Variants in FAF1 observed in about 807,000 individuals in gnomAD.
FAF1 encodes Fas associated factor 1.
Under a neutral mutation model 92.5 loss-of-function variants are expected in FAF1, and 25 were observed. The ratio of observed to expected loss-of-function variants is 0.27; its 90% confidence interval spans 0.20 to 0.38. The LOEUF (loss-of-function observed/expected upper bound fraction) is 0.38. Among genes scored for constraint, FAF1 ranks in the 10% least tolerant of loss-of-function variants. The probability of loss-of-function intolerance (pLI) is 1.00; values close to 1 mark genes in which losing one functional copy is unlikely to be tolerated. For synonymous variants in FAF1, 234 were observed against 273.2 expected, an observed-to-expected ratio of 0.86 and a Z score of 1.42; for missense variants, 636 against 793.3, an observed-to-expected ratio of 0.80 and a Z score of 2.38.
chr1:50,499,974 CTGTA>C (rs1646963515), intron 15 of FAF1, among the ~76,000 whole-genome samples: 1 of 152,116 alleles, frequency 6.6e-6, no homozygotes, highest in South Asian at 2.1e-4. Context: ...TGCAAACAAT[CTGTA>C]TGTCGAACAT....
intron 2 of FAF1, among the ~76,000 whole-genome samples, chr1:50,826,117 A>T (rs1644094798): frequency 6.6e-6 from 1 of 152,238 alleles, no homozygotes; most frequent in Non-Finnish European, 1.5e-5. Flanking sequence ...CAAAAATGAA[A>T]GCAAATTAAA....
In FAF1 at chr1:50,928,238, T is replaced by A. The variant is rs113007720; in HGVS notation, c.45+31529A>T. On this transcript the variant is annotated intron_variant, in intron 1 of 18. Transcript: ENST00000396153. ...TCTGAAATGGCAAAAATATTGGTTC[T>A]ATTTCAAAAGTGGCCTCAAAATGAA... Among the ~76,000 whole-genome samples the A allele has an allele frequency of 1.4e-3, 206 of 152,318 alleles. 1 individual carries two copies. Among genetic ancestry groups the A allele is most frequent in the African/African-American group, 4.7e-3 (196 of 41,584 alleles).
At chr1:50,794,139 A>T (rs1661660551) in intron 3 of FAF1, among the ~76,000 whole-genome samples, 1 of 152,242 alleles carries the variant, frequency 6.6e-6, no homozygotes, top group Admixed American at 6.5e-5. Flanking sequence ...TAGCAGACAC[A>T]CACCACAAAA....
At chr1:50,891,602 T>C (rs191050160) in intron 1 of FAF1, among the ~76,000 whole-genome samples, 14 of 152,340 alleles carry the variant, frequency 9.2e-5, no homozygotes, top group African/African-American at 3.1e-4. Flanking sequence ...TGCAGGTCTG[T>C]TGGTGTTTGC....
At chr1:50,797,680 G>A (rs545396515) in intron 3 of FAF1, among the ~76,000 whole-genome samples, 63 of 152,154 alleles carry the variant, frequency 4.1e-4, no homozygotes, top group South Asian at 3.7e-3. Context: ...GCAAGAGCCT[G>A]TCTCCAAAAA....
intron 18 of FAF1, among the ~76,000 whole-genome samples, chr1:50,463,462 C>T (rs1172769661): frequency 6.6e-6 from 1 of 152,174 alleles, no homozygotes; most frequent in African/African-American, 2.4e-5. Context: ...GGACCCCCAA[C>T]ACATTATATG....
intron 13 of FAF1, among the ~76,000 whole-genome samples, chr1:50,545,052 C>T (rs1026413833): frequency 6.6e-6 from 1 of 151,796 alleles, no homozygotes; most frequent in African/African-American, 2.4e-5. Context: ...AAAACAAAAA[C>T]ACCATAACTA....
chr1:50,790,720 T>C (rs182083449), intron 3 of FAF1, among the ~76,000 whole-genome samples: 174 of 152,192 alleles, frequency 1.1e-3, no homozygotes, highest in Non-Finnish European at 1.9e-3. Flanking sequence ...CTCTAAAACA[T>C]CTTTCCTCTC....
intron 13 of FAF1, among the ~76,000 whole-genome samples, chr1:50,557,626 G>A (rs967892443): frequency 1.3e-5 from 2 of 152,072 alleles, no homozygotes; most frequent in African/African-American, 4.8e-5. Flanking sequence ...ATATGTCAGA[G>A]GAACCAAATT....
At chr1:50,611,672 A>G (rs1164197135) in intron 8 of FAF1, among the ~76,000 whole-genome samples, 1 of 152,260 alleles carries the variant, frequency 6.6e-6, no homozygotes, top group Non-Finnish European at 1.5e-5. Context: ...AGAAAGTCTG[A>G]GAAATATGTC....
intron 1 of FAF1, among the ~76,000 whole-genome samples, chr1:50,935,377 CAT>C (rs1396262981): frequency 2.0e-5 from 3 of 152,046 alleles, no homozygotes; most frequent in Non-Finnish European, 4.4e-5. Flanking sequence ...AAGAATATAA[CAT>C]ATATTTCCCA....
intron 4 of FAF1, among the ~76,000 whole-genome samples, chr1:50,758,099 G>T (rs1176941520): frequency 6.6e-6 from 1 of 152,134 alleles, no homozygotes; most frequent in Non-Finnish European, 1.5e-5. Flanking sequence ...TGTATTTTTA[G>T]TAGAGACGAT....
intron 1 of FAF1, among the ~76,000 whole-genome samples, chr1:50,900,788 A>G (rs913052105): frequency 4.6e-5 from 7 of 152,282 alleles, no homozygotes; most frequent in East Asian, 3.9e-4. Context: ...ATAGCCTCAA[A>G]TGAGTATTTA....
intron 2 of FAF1, among the ~76,000 whole-genome samples, chr1:50,842,444 T>C (rs979314138): frequency 3.3e-5 from 5 of 152,164 alleles, no homozygotes; most frequent in African/African-American, 4.8e-5. Context: ...ATTTTAATAC[T>C]ACATGCATTA....
chr1:50,619,732 G>A (rs868589942), intron 8 of FAF1, among the ~76,000 whole-genome samples: 9 of 151,992 alleles, frequency 5.9e-5, no homozygotes, highest in Admixed American at 1.3e-4. Flanking sequence ...GGGGATGGTC[G>A]TCTCATATAG....
At chr1:50,854,554 G>GTC (rs1326249399) in intron 2 of FAF1, among the ~76,000 whole-genome samples, 3 of 151,938 alleles carry the variant, frequency 2.0e-5, no homozygotes, top group Non-Finnish European at 2.9e-5. Context: ...TTTGTTTTCA[G>GTC]AATTTTGACA....
intron 1 of FAF1, among the ~76,000 whole-genome samples, chr1:50,908,631 CTTCT>C (rs1408773527): frequency 4.0e-5 from 6 of 151,834 alleles, no homozygotes; most frequent in Admixed American, 6.6e-5. Context: ...ATGTAATGGC[CTTCT>C]TTGTCTCTTT....
intron 12 of FAF1, among the ~76,000 whole-genome samples, chr1:50,572,887 T>TG (rs1650511314): frequency 6.6e-6 from 1 of 152,154 alleles, no homozygotes; most frequent in South Asian, 2.1e-4. Flanking sequence ...TTAATAGAGA[T>TG]GGGGTCTCAC....
intron 1 of FAF1, among the ~76,000 whole-genome samples, chr1:50,900,904 T>A (rs57957311): frequency 0.066 from 10,071 of 152,106 alleles, 414 homozygotes; most frequent in East Asian, 0.094. Flanking sequence ...TAAAATCACT[T>A]CCCCAGGTAC....
Sources: gnomAD v4.1 joint callset for allele counts (sites outside exome capture counted in the v4.1 genomes callset) on GRCh38, gnomAD v4.1.1 for gene constraint, MANE v1.5 for transcripts, NCBI Gene and HGNC (gene_info 2026-07-23, HGNC 2026-07-21) for gene names.